Variants in SCOC observed in about 807,000 individuals in gnomAD.
SCOC encodes the protein short coiled coil protein.
A neutral mutation model predicts 9.9 loss-of-function variants in SCOC; 7 were observed. The observed-to-expected ratio is 0.71, with a 90% confidence interval of 0.40 to 1.33. The LOEUF (loss-of-function observed/expected upper bound fraction) is 1.33. Among genes scored for constraint, SCOC ranks in the 40% most tolerant of loss-of-function variants. The probability of loss-of-function intolerance (pLI) is 0.01; values close to 1 mark genes in which losing one functional copy is unlikely to be tolerated. For synonymous variants in SCOC, 19 were observed against 28.2 expected, an observed-to-expected ratio of 0.67 and a Z score of 1.03; for missense variants, 66 against 89.7, an observed-to-expected ratio of 0.74 and a Z score of 1.07.
At chr4:140,349,391 A>C (rs1166424937) in intron 2 of SCOC, among the ~76,000 whole-genome samples, 1 of 152,202 alleles carries the variant, frequency 6.6e-6, no homozygotes, top group Admixed American at 6.5e-5. Flanking sequence ...CCTAGTTTTA[A>C]AAACAATAGC....
At chr4:140,373,830 G>A in intron 1 of SCOC, 113 bp downstream of exon 1, 1 of 1,201,920 alleles carries the variant, frequency 8.3e-7, no homozygotes, top group Non-Finnish European at 1.2e-6. Context: ...CTGCGCACCG[G>A]GGGCCCGGGA....
chr4:140,300,252 T>A (rs1286235770), intron 1 of SCOC, among the ~76,000 whole-genome samples: 4 of 151,946 alleles, frequency 2.6e-5, no homozygotes, highest in East Asian at 1.9e-4. Context: ...TCATAAAGAG[T>A]GTCAGGGAGA....
chr4:140,367,960 T>C (rs1727873604), intron 2 of SCOC, among the ~76,000 whole-genome samples: 1 of 152,244 alleles, frequency 6.6e-6, no homozygotes. Flanking sequence ...AAGTTCTTAA[T>C]GTTATTTTAC....
At chr4:140,297,211 A>G (rs1473195704) in intron 1 of SCOC, among the ~76,000 whole-genome samples, 2 of 149,978 alleles carry the variant, frequency 1.3e-5, no homozygotes, top group East Asian at 4.1e-4. Context: ...TGCCGTTTGC[A>G]AGGTCTTTGG....
At chr4:140,336,431 A>G in intron 1 of SCOC, among the ~76,000 whole-genome samples, 1 of 152,096 alleles carries the variant, frequency 6.6e-6, no homozygotes, top group East Asian at 1.9e-4. Flanking sequence ...TTCTGTCTCT[A>G]CGGACTTGCC....
At chr4:140,326,362 T>G (rs545684997) in intron 1 of SCOC, among the ~76,000 whole-genome samples, 2 of 151,936 alleles carry the variant, frequency 1.3e-5, no homozygotes, top group Non-Finnish European at 2.9e-5. Flanking sequence ...AACGAGGATG[T>G]TTAGGGGGAG....
intron 1 of SCOC, among the ~76,000 whole-genome samples, chr4:140,333,503 G>A (rs1732877069): frequency 6.6e-6 from 1 of 152,100 alleles, no homozygotes; most frequent in Non-Finnish European, 1.5e-5. Flanking sequence ...TTTCATTTAT[G>A]TTATAATCTC....
chr4:140,272,111 C>T (rs1039064730), intron 1 of SCOC, among the ~76,000 whole-genome samples: 10 of 149,570 alleles, frequency 6.7e-5, no homozygotes. Context: ...GGCTGAAGTA[C>T]AGTGGTGTGA....
At chr4:140,335,846 TA>T (rs1478274505) in intron 1 of SCOC, among the ~76,000 whole-genome samples, 1 of 152,196 alleles carries the variant, frequency 6.6e-6, no homozygotes, top group Non-Finnish European at 1.5e-5. Flanking sequence ...TTCAGCTCTG[TA>T]ACCCCAATAC....
intron 2 of SCOC, among the ~76,000 whole-genome samples, chr4:140,361,705 A>G (rs1438718137): frequency 1.3e-5 from 2 of 152,138 alleles, no homozygotes; most frequent in African/African-American, 2.4e-5. Context: ...TTTGGGTGGG[A>G]CAAACAATGC....
intron 2 of SCOC, among the ~76,000 whole-genome samples, chr4:140,345,023 C>A (rs1304282340): frequency 1.3e-5 from 2 of 152,184 alleles, no homozygotes; most frequent in Non-Finnish European, 2.9e-5. Flanking sequence ...CACGTCTCAT[C>A]TTCTGCCACT....
At chr4:140,334,436 T>C (rs902808734) in intron 1 of SCOC, among the ~76,000 whole-genome samples, 1 of 152,196 alleles carries the variant, frequency 6.6e-6, no homozygotes, top group African/African-American at 2.4e-5. Context: ...TTTACTGAAA[T>C]TGAATCCATA....
At chr4:140,306,637 A>C (rs1731996503) in intron 1 of SCOC, among the ~76,000 whole-genome samples, 2 of 151,956 alleles carry the variant, frequency 1.3e-5, no homozygotes, top group African/African-American at 4.8e-5. Context: ...ACACTGCCAG[A>C]GACATCCCCA....
intron 1 of SCOC, among the ~76,000 whole-genome samples, chr4:140,290,119 G>A (rs1190663904): frequency 6.6e-6 from 1 of 152,164 alleles, no homozygotes; most frequent in Non-Finnish European, 1.5e-5. Flanking sequence ...TTTTTGCATT[G>A]CTGTATAGGA....
intron 1 of SCOC, among the ~76,000 whole-genome samples, chr4:140,312,454 G>A (rs1732184941): frequency 6.6e-6 from 1 of 152,046 alleles, no homozygotes; most frequent in East Asian, 1.9e-4. Context: ...TTTTGAGACA[G>A]GTCTAGCTCT....
chr4:140,345,797 AG>A (rs2126517043), intron 2 of SCOC, among the ~76,000 whole-genome samples: 1 of 152,352 alleles, frequency 6.6e-6, no homozygotes, highest in Admixed American at 6.5e-5. Context: ...GCCTTGCCCA[AG>A]AGCACAGAGC....
chr4:140,313,383 C>G lies in SCOC; in HGVS notation c.-18-30238C>G, dbSNP rs6844346. Among the ~76,000 whole-genome samples, 315 of 152,130 alleles carry G rather than the reference C, an allele frequency of 2.1e-3. 9 individuals are homozygous for G. In the East Asian group the frequency reaches 0.027, roughly 13 times the overall value. ...TCTCCTGTCTCAGCCTCCTGAGGAA[C>G]TGGGATCATAGGCCCGTGTCACCAC... On this transcript the variant is annotated intron_variant, in intron 1 of 4. Transcript: ENST00000394205.
chr4:140,274,161 G>A lies in SCOC; in HGVS notation c.-19+16751G>A, dbSNP rs966890620. Among the ~76,000 whole-genome samples, 3 of 152,312 alleles carry A rather than the reference G, an allele frequency of 2.0e-5. No individual in the cohort carries two copies. The South Asian group carries it at 6.2e-4, about 32-fold the overall frequency. On this transcript the variant is annotated intron_variant, in intron 1 of 4. Transcript: ENST00000394205. Reference sequence around the variant, plus strand: ...ACCCTGTCTTTGTAAATAGATGAGCGAGTTTAACTTACTAGTATTCATGTA... The same window carrying A: ...ACCCTGTCTTTGTAAATAGATGAGCAAGTTTAACTTACTAGTATTCATGTA...
At chr4:140,372,946 T>C (rs1427045926), upstream of SCOC, among the ~76,000 whole-genome samples, 1 of 152,216 alleles carries the variant, frequency 6.6e-6, no homozygotes, top group Non-Finnish European at 1.5e-5. Flanking sequence ...TTCAGTTCCT[T>C]TCTGTGGGTT....
Sources: gnomAD v4.1 joint callset for allele counts (sites outside exome capture counted in the v4.1 genomes callset) on GRCh38, gnomAD v4.1.1 for gene constraint, MANE v1.5 for transcripts, NCBI Gene and HGNC (gene_info 2026-07-23, HGNC 2026-07-21) for gene names.